The following CHD4 variants were observed in gnomAD, a reference collection of about 807,000 sequenced individuals.
CHD4 encodes chromodomain helicase DNA binding protein 4, also known as ATP-dependent chromatin remodeler CHD4.
CHD4 carries 35 observed loss-of-function variants against 235.5 expected under a neutral mutation model. The observed-to-expected ratio is 0.15, with a 90% CI of 0.11 to 0.20. The LOEUF is 0.20. CHD4 is among the 10% of genes least tolerant of loss of function. The probability of loss-of-function intolerance (pLI) is 1.00; values close to 1 mark genes in which losing one functional copy is unlikely to be tolerated. For synonymous variants in CHD4, 900 were observed against 850.2 expected (o/e 1.06, Z -1.02); for missense variants, 1,329 against 2,432.3 (o/e 0.55, Z 9.54).
Position 6,606,266 on chromosome 12 carries a change from G to A in CHD4, c.100+8C>T. 1.3e-6 allele frequency: 2 copies of A among 1,557,398 alleles called. No individual in the cohort carries two copies. Among genetic ancestry groups the A allele is most frequent in the East Asian group, 2.5e-5 (1 of 39,744 alleles). On this transcript the variant is annotated splice_region_variant and intron_variant, in intron 2 of 39. Coordinates refer to ENST00000544040, the MANE Select transcript of CHD4 (RefSeq NM_001273.5). ...CTTCCCGCCATGGGCCCTTGGGGAA[G>A]ATGTTACCTGGGTGGGGTGGGGGCA...
At chr12:6,596,199 A>C in intron 12 of CHD4, 62 bp from the exon 13 acceptor site, 1 of 1,594,464 alleles carries the variant, frequency 6.3e-7, no homozygotes, top group Non-Finnish European at 8.5e-7. Context: ...ACTTCCTCTC[A>C]AAAACTGGCA....
intron 37 of CHD4, among the ~76,000 whole-genome samples, chr12:6,575,472 T>C (rs1335049984): frequency 7.0e-6 from 1 of 143,768 alleles, no homozygotes; most frequent in Non-Finnish European, 1.5e-5. Context: ...AAAAAAAGGG[T>C]TTTATTAACC....
chr12:6,584,974 G>A (rs943980624), intron 25 of CHD4, among the ~76,000 whole-genome samples: 1 of 152,104 alleles, frequency 6.6e-6, no homozygotes. Context: ...TATAAACTGA[G>A]GTTGGACGCA....
rs200731306 is a variant in CHD4, at chr12:6,597,980, G to A, written c.1806C>T (p.Asp602=). The A allele has an allele frequency of 3.7e-6, 6 of 1,614,126 alleles. No individual in the cohort carries two copies. The highest frequency in any genetic ancestry group is 5.1e-6 in the Non-Finnish European group (6 of 1,180,022). Residue 602 remains aspartate, a synonymous_variant, in exon 12 of 40, where the codon GAC becomes GAT. Coordinates refer to ENST00000544040, the MANE Select transcript of CHD4 (RefSeq NM_001273.5). ...GTTCCTCCATCTCTGCAAATTTAGG[G>A]TCCTTGTTCTTTCGCTTTCGGCTTT... The part of the protein sequence containing the change: ...EEKSRKRKNK[D]PKFAEMEERF...
At chr12:6,604,197 C>A (rs1948648977) in intron 2 of CHD4, among the ~76,000 whole-genome samples, 2 of 152,160 alleles carry the variant, frequency 1.3e-5, no homozygotes, top group Non-Finnish European at 2.9e-5. Context: ...ATCGCTTGAG[C>A]CCGGGAGGCG....
rs771101225 is a variant in CHD4 at position 6,581,653 on chromosome 12, A to T, written c.4677T>A (p.Pro1559=). The part of the protein sequence containing the change: ...TQPNTPAPVP[P]AEDGIKIEEN... ...TGATAGGACAGGCAGACTTACCAGCAGGTGGGACAGGTGCAGGAGTGTTGG... is the reference window on the plus strand; with the variant it reads ...TGATAGGACAGGCAGACTTACCAGCTGGTGGGACAGGTGCAGGAGTGTTGG... The change falls in exon 31 of 40, where the codon CCT becomes CCA. Residue 1559 remains proline, a synonymous_variant. Coordinates refer to ENST00000544040, the MANE Select transcript of CHD4 (RefSeq NM_001273.5). 12 of 1,613,722 alleles carry T rather than the reference A, an allele frequency of 7.4e-6. No homozygotes were observed. The East Asian group carries it at 2.7e-4, about 36-fold the overall frequency.
At position 6,578,919 on chromosome 12, in the gene CHD4, T is replaced by C. The variant is rs1948120645; in HGVS notation, c.4910-2A>G. 3 of 1,613,694 alleles carry C rather than the reference T, an allele frequency of 1.9e-6. No individual in the cohort carries two copies. Among genetic ancestry groups the C allele is most frequent in the South Asian group, 1.1e-5 (1 of 91,076 alleles). On this transcript the variant is annotated splice_acceptor_variant, in intron 33 of 39. Coordinates refer to ENST00000544040, the MANE Select transcript of CHD4 (RefSeq NM_001273.5). LOFTEE classifies it high-confidence loss of function. ...CCACCTTCTCTACATCAGCAGCACC[T>C]AGGGGAAGAAATGTTATTGAGACTA...
chr12:6,595,956 C>CAA (rs376930091), intron 13 of CHD4, 50 bp downstream of exon 13: 1,017 of 1,308,330 alleles, frequency 7.8e-4, no homozygotes, highest in East Asian at 1.1e-3. Context: ...GACTCCATCT[C>CAA]AAAAAAAAAA....
rs930904458 is a variant in CHD4 at position 6,578,336 on chromosome 12, A to G, written c.5119+73T>C. ...AGAGGTAAAGAGGTAAAGTCCCTGT[A>G]CCGTGGTTTCTGACAAGAACCCCAA... On this transcript the variant is annotated intron_variant, in intron 35 of 39. Transcript: ENST00000544040. The G allele has an allele frequency of 2.3e-5, 36 of 1,549,044 alleles. No homozygotes were observed. The Admixed American group carries it at 3.8e-4, about 16-fold the overall frequency.
intron 2 of CHD4, among the ~76,000 whole-genome samples, chr12:6,605,694 A>G (rs1250010128): frequency 6.6e-6 from 1 of 152,134 alleles, no homozygotes; most frequent in Non-Finnish European, 1.5e-5. Context: ...TCCCCACTCA[A>G]AACATTCCAG....
At chr12:6,600,900 C>T (rs201795544) in intron 7 of CHD4, 26 bp downstream of exon 7, 80 of 1,554,996 alleles carry the variant, frequency 5.1e-5, no homozygotes, top group Non-Finnish European at 1.0e-5. Flanking sequence ...TGGCACCCTC[C>T]CTAAAGCGAT....
Position 6,573,175 on chromosome 12 carries a change from T to C in CHD4, c.5456A>G (p.Asn1819Ser). The change falls in exon 38 of 40, where the codon AAC becomes AGC. Residue 1819 changes from asparagine to serine, a missense_variant. Around this residue, in one of 26 missense-constraint regions of CHD4, gnomAD observed 135 missense variants for 282.3 expected, o/e 0.48. Transcript: ENST00000544040. Reference sequence around the variant, plus strand: ...ACACTCCACCTCAGCAAAGCGGGTGTTGAGGGCCATGGAAGGGTGAGAAGG... The same window carrying C: ...ACACTCCACCTCAGCAAAGCGGGTGCTGAGGGCCATGGAAGGGTGAGAAGG... Reference protein sequence around the residue: ...EDPSHPSMALNTRFAEVECLA... With the variant: ...EDPSHPSMALSTRFAEVECLA... 1 of 1,608,506 alleles carries C rather than the reference T, an allele frequency of 6.2e-7. No homozygotes were observed. The highest frequency in any genetic ancestry group is 8.5e-7 in the Non-Finnish European group (1 of 1,177,926).
rs780882752 is a variant in CHD4 at position 6,594,477 on chromosome 12, C to T, written c.2295G>A (p.Leu765=). 3 of 1,611,194 alleles carry T rather than the reference C, an allele frequency of 1.9e-6. No homozygotes were observed. The highest frequency in any genetic ancestry group is 2.2e-5 in the East Asian group (1 of 44,852). ...TCCTTACCTCCTTGTAAAGGGAATA[C>T]AGGAAGACTGCTGTCTGTACAGTTT... ...LGKTVQTAVF[L]YSLYKEGHSK... The change falls in exon 15 of 40, where the codon CTG becomes CTA. Residue 765 remains leucine, a synonymous_variant. Coordinates refer to ENST00000544040, the MANE Select transcript of CHD4 (RefSeq NM_001273.5).
rs1311146892 is a variant in CHD4, at chr12:6,591,973, C to T, written c.3033G>A (p.Val1011=). Residue 1011 remains valine (V), a synonymous_variant, in exon 20 of 40, where the codon GTG becomes GTA. Coordinates refer to ENST00000544040, the MANE Select transcript of CHD4 (RefSeq NM_001273.5). The stretch of plus-strand genomic sequence containing the variant: ...TGCAGCACTTCTTAAGATCCATCAC[C>T]ACATTCAGCAGAGACACCTGGTTGC... ...GGGNQVSLLN[V]VMDLKKCCNH... 6.2e-6 allele frequency: 10 copies of T among 1,614,102 alleles called. No individual in the cohort carries two copies. The Admixed American group carries it at 1.7e-4, about 27-fold the overall frequency.
At chr12:6,604,216 A>G (rs1371949934) in intron 2 of CHD4, among the ~76,000 whole-genome samples, 1 of 152,190 alleles carries the variant, frequency 6.6e-6, no homozygotes, top group African/African-American at 2.4e-5. Flanking sequence ...CGGAGGTTGC[A>G]GTGAGCCAAG....
intron 37 of CHD4, among the ~76,000 whole-genome samples, chr12:6,573,665 T>C (rs1330659181): frequency 1.3e-5 from 2 of 152,162 alleles, no homozygotes; most frequent in African/African-American, 4.8e-5. Context: ...CATATTATGT[T>C]TTCATTTAGT....
chr12:6,598,399 C>T lies in CHD4; in HGVS notation c.1509G>A (p.Gln503=). Reference sequence around the variant, plus strand: ...GACCCCACTTCCAGATTAGGATCTTCTGCACTTTGCCCTTCAGAGCTGGAC... The same window carrying T: ...GACCCCACTTCCAGATTAGGATCTTTTGCACTTTGCCCTTCAGAGCTGGAC... The part of the protein sequence containing the change: ...CTCPALKGKV[Q]KILIWKWGQP... The change falls in exon 11 of 40, where the codon CAG becomes CAA. Residue 503 remains glutamine (Q), a synonymous_variant. Coordinates refer to ENST00000544040, the MANE Select transcript of CHD4 (RefSeq NM_001273.5). 1 of 1,611,494 alleles carries T rather than the reference C, an allele frequency of 6.2e-7. No homozygotes were observed. The highest frequency in any genetic ancestry group is 8.5e-7 in the Non-Finnish European group (1 of 1,178,542).
chr12:6,578,580 A>G, intron 34 of CHD4, 34 bp from the exon 35 acceptor site: 1 of 1,606,802 alleles, frequency 6.2e-7, no homozygotes, highest in Non-Finnish European at 8.5e-7. Context: ...TGTCAGCTCC[A>G]GCCAAAGCCC....
At chr12:6,577,954 A>G (rs747483792) in intron 36 of CHD4, 37 bp from the exon 37 acceptor site, 1 of 1,612,816 alleles carries the variant, frequency 6.2e-7, no homozygotes, top group Admixed American at 1.7e-5. Flanking sequence ...AAAACAAGGA[A>G]AGTAAGAACC....
Sources: allele counts gnomAD v4.1 joint callset (sites outside exome capture counted in the v4.1 genomes callset), GRCh38; gene constraint gnomAD v4.1.1; regional missense constraint gnomAD v4.1.1; transcripts MANE v1.5; gene names NCBI Gene and HGNC (gene_info 2026-07-23, HGNC 2026-07-21).